Variants in ZMYM2 observed in about 807,000 individuals in gnomAD.
The protein encoded by ZMYM2 is zinc finger MYM-type containing 2, also known as zinc finger MYM-type protein 2.
Under a neutral mutation model 162.8 loss-of-function variants are expected in ZMYM2, and 56 were observed. The ratio of observed to expected loss-of-function variants is 0.34; its 90% CI spans 0.28 to 0.43. ZMYM2 has a LOEUF of 0.43. Among genes scored for constraint, ZMYM2 ranks in the 20% least tolerant of loss-of-function variants. The pLI is 1.00. For missense variants in ZMYM2, 1,275 were observed against 1,621.8 expected, an observed-to-expected ratio of 0.79 and a Z score of 3.67; for synonymous variants, 510 against 541.6, an observed-to-expected ratio of 0.94 and a Z score of 0.81.
the ZMYM2 span, among the ~76,000 whole-genome samples, chr13:19,899,671 T>G: frequency 0.14 from 21,218 of 150,950 alleles, 1,841 homozygotes; most frequent in African/African-American, 0.25. Flanking sequence ...CAAAAAATTA[T>G]CGGGGCATGG....
At chr13:19,879,200 T>C in the ZMYM2 span, among the ~76,000 whole-genome samples, 5 of 152,224 alleles carry the variant, frequency 3.3e-5, no homozygotes, top group Admixed American at 6.6e-5. Flanking sequence ...TTCATTCTTC[T>C]GCATGTGAAT....
the ZMYM2 span, among the ~76,000 whole-genome samples, chr13:19,881,514 C>G: frequency 2.6e-5 from 4 of 151,316 alleles, no homozygotes; most frequent in Admixed American, 6.6e-5. Context: ...CCCAGCTACT[C>G]GAGAGACTGA....
At chr13:19,918,687 A>G in the ZMYM2 span, among the ~76,000 whole-genome samples, 1 of 151,242 alleles carries the variant, frequency 6.6e-6, no homozygotes, top group Non-Finnish European at 1.5e-5. Context: ...TTTAGTAGAG[A>G]CAGGTTTCAT....
intron 2 of ZMYM2, among the ~76,000 whole-genome samples, chr13:19,989,379 C>A (rs537679382): frequency 6.6e-6 from 1 of 152,304 alleles, no homozygotes; most frequent in African/African-American, 2.4e-5. Flanking sequence ...TCTCTGCTCC[C>A]TGCAACCTCC....
intron 2 of ZMYM2, among the ~76,000 whole-genome samples, chr13:19,987,111 CAAAAAAAAAAAA>C (rs58588019): frequency 3.0e-3 from 121 of 40,964 alleles, no homozygotes; most frequent in Non-Finnish European, 4.2e-3. Flanking sequence ...GGCTCCGTCT[CAAAAAAAAAAAA>C]AAAAAAAAAA....
chr13:20,009,803 C>T (rs752436722), intron 6 of ZMYM2, among the ~76,000 whole-genome samples: 5 of 152,222 alleles, frequency 3.3e-5, no homozygotes, highest in Admixed American at 2.6e-4. Flanking sequence ...TTCTGTTTAT[C>T]GATTTGTTGT....
chr13:20,059,847 A>G (rs543739463), intron 16 of ZMYM2, among the ~76,000 whole-genome samples: 1 of 152,214 alleles, frequency 6.6e-6, no homozygotes, highest in East Asian at 1.9e-4. Flanking sequence ...CAGCCTGGGC[A>G]ACATGGTGAC....
chr13:20,028,307 C>T (rs928948597), intron 9 of ZMYM2, among the ~76,000 whole-genome samples: 9 of 152,070 alleles, frequency 5.9e-5, no homozygotes, highest in Admixed American at 5.9e-4. Context: ...ATTGCTTTTG[C>T]CTTGTTGGCT....
At chr13:20,040,656 G>A (rs1954165025) in intron 12 of ZMYM2, among the ~76,000 whole-genome samples, 1 of 152,088 alleles carries the variant, frequency 6.6e-6, no homozygotes, top group Non-Finnish European at 1.5e-5. Flanking sequence ...TTTGGGATTG[G>A]TTTTCTCTTG....
intron 12 of ZMYM2, among the ~76,000 whole-genome samples, chr13:20,048,355 A>C (rs1001697340): frequency 6.6e-6 from 1 of 151,838 alleles, no homozygotes; most frequent in Non-Finnish European, 1.5e-5. Flanking sequence ...TATTGCCTTA[A>C]ATATATATTT....
chr13:19,954,071 CA>C (rs547448452), upstream of ZMYM2, among the ~76,000 whole-genome samples: 173 of 140,164 alleles, frequency 1.2e-3, 1 homozygote, highest in Middle Eastern at 0.019. Flanking sequence ...TTGTCATGGT[CA>C]AAAAAAAGTT....
chr13:19,910,680 T>C, the ZMYM2 span, among the ~76,000 whole-genome samples: 1 of 151,840 alleles, frequency 6.6e-6, no homozygotes, highest in East Asian at 1.9e-4. Context: ...AGAAAACAAA[T>C]ATCTGAGGGG....
intron 9 of ZMYM2, among the ~76,000 whole-genome samples, chr13:20,030,524 G>A (rs1272152738): frequency 1.3e-5 from 2 of 151,494 alleles, no homozygotes; most frequent in Non-Finnish European, 2.9e-5. Flanking sequence ...TCAACCTCCT[G>A]AGTAGCTGGT....
At chr13:19,937,203 C>A in the ZMYM2 span, among the ~76,000 whole-genome samples, 1 of 151,520 alleles carries the variant, frequency 6.6e-6, no homozygotes, top group East Asian at 1.9e-4. Context: ...GGCTGGAGTG[C>A]AATGGCACTA....
At chr13:20,002,706 CTA>C in intron 3 of ZMYM2, 142 bp from the exon 4 acceptor site, 1 of 971,034 alleles carries the variant, frequency 1.0e-6, no homozygotes, top group Non-Finnish European at 1.5e-6. Context: ...AAAACTTGTG[CTA>C]TATACCTCTC....
At chr13:20,080,893 A>T (rs1252889140) in intron 21 of ZMYM2, among the ~76,000 whole-genome samples, 1 of 152,234 alleles carries the variant, frequency 6.6e-6, no homozygotes, top group Non-Finnish European at 1.5e-5. Context: ...TGTCATGCAG[A>T]CATTCAACTA....
the ZMYM2 span, among the ~76,000 whole-genome samples, chr13:19,884,573 C>T: frequency 6.6e-6 from 1 of 151,124 alleles, no homozygotes; most frequent in East Asian, 2.0e-4. Flanking sequence ...AAACCTGTAT[C>T]AAAAAGAAAA....
intron 12 of ZMYM2, among the ~76,000 whole-genome samples, chr13:20,037,906 T>A (rs1207308364): frequency 6.6e-6 from 1 of 152,158 alleles, no homozygotes; most frequent in African/African-American, 2.4e-5. Context: ...ATATTAAGCC[T>A]AGTACCCATT....
intron 2 of ZMYM2, among the ~76,000 whole-genome samples, chr13:19,986,754 A>G (rs1057461681): frequency 4.6e-5 from 7 of 152,058 alleles, no homozygotes; most frequent in African/African-American, 1.7e-4. Flanking sequence ...TTCATGTCAA[A>G]CACTATAGCA....
Sources: gnomAD v4.1 joint callset for allele counts (sites outside exome capture counted in the v4.1 genomes callset) on GRCh38, gnomAD v4.1.1 for gene constraint, MANE v1.5 for transcripts, NCBI Gene and HGNC (gene_info 2026-07-23, HGNC 2026-07-21) for gene names.